The following CTNNA2 variants were observed in gnomAD, a reference collection of about 807,000 sequenced individuals.
CTNNA2 encodes catenin alpha-2.
Under a neutral mutation model 101.0 loss-of-function variants are expected in CTNNA2, and 42 were observed. The ratio of observed to expected loss-of-function variants is 0.42; its 90% CI spans 0.32 to 0.54. The LOEUF is 0.54. CTNNA2 is among the 20% of genes least tolerant of loss of function. The probability of loss-of-function intolerance (pLI) is 0.14; values close to 1 mark genes in which losing one functional copy is unlikely to be tolerated. For missense variants in CTNNA2, 871 were observed against 1,223.1 expected (o/e 0.71, Z 4.29); for synonymous variants, 450 against 456.4 (o/e 0.99, Z 0.18).
chr2:80,099,012 C>T (rs962152431), intron 7 of CTNNA2, among the ~76,000 whole-genome samples: 1 of 151,910 alleles, frequency 6.6e-6, no homozygotes, highest in African/African-American at 2.4e-5. Context: ...CACCCACTGT[C>T]CTGCACCCAC....
At chr2:79,438,295 CTCTG>C (rs1283791934) in intron 4 of CTNNA2, among the ~76,000 whole-genome samples, 5 of 152,120 alleles carry the variant, frequency 3.3e-5, no homozygotes, top group Non-Finnish European at 7.3e-5. Context: ...TATGAACTGT[CTCTG>C]TCTTTCAACC....
intron 18 of CTNNA2, among the ~76,000 whole-genome samples, chr2:80,634,718 A>T (rs1672685349): frequency 6.6e-6 from 1 of 152,102 alleles, no homozygotes; most frequent in Admixed American, 6.6e-5. Flanking sequence ...GGTTCTGAGA[A>T]GTTGGCCAAG....
chr2:79,499,288 A>T (rs909730600), intron 4 of CTNNA2: 11 of 152,090 alleles, frequency 7.2e-5, no homozygotes, highest in African/African-American at 2.7e-4. Context: ...AACAATAAGA[A>T]AAAAAACTGA....
intron 4 of CTNNA2, among the ~76,000 whole-genome samples, chr2:79,444,165 A>C (rs1163091985): frequency 6.6e-6 from 1 of 152,042 alleles, no homozygotes; most frequent in Non-Finnish European, 1.5e-5. Context: ...ATCCTAAAAC[A>C]AAGGACCCAG....
rs1028121801 is a variant in CTNNA2 at position 79,533,596 on chromosome 2, G to C, written c.-6+20389G>C. ...TGTAATTGTGTTATAGATGATGAGA[G>C]ACACAAGTGGCCCCTAAACTGATTG... On this transcript the variant is annotated intron_variant, in intron 1 of 18. Transcript: ENST00000402739. 3.3e-5 allele frequency among the ~76,000 whole-genome samples: 5 copies of C among 152,076 alleles called. 1 individual carries two copies. The highest frequency in any genetic ancestry group is 4.8e-5 in the African/African-American group (2 of 41,426).
chr2:79,694,204 G>T (rs1684504849), intron 2 of CTNNA2, among the ~76,000 whole-genome samples: 1 of 151,780 alleles, frequency 6.6e-6, no homozygotes, highest in Non-Finnish European at 1.5e-5. Flanking sequence ...TAATGTTAAG[G>T]GAGACATTTA....
chr2:80,620,099 T>C (rs951343069), intron 18 of CTNNA2, among the ~76,000 whole-genome samples: 2 of 151,838 alleles, frequency 1.3e-5, no homozygotes, highest in African/African-American at 2.4e-5. Context: ...ATGGAGGTGG[T>C]TGACTTTTTA....
At chr2:80,168,699 T>A (rs1573283758) in intron 7 of CTNNA2, among the ~76,000 whole-genome samples, 1 of 152,172 alleles carries the variant, frequency 6.6e-6, no homozygotes, top group Non-Finnish European at 1.5e-5. Flanking sequence ...CTTTACAAAC[T>A]TTTTGATACC....
At chr2:80,164,096 T>C (rs897419736) in intron 7 of CTNNA2, among the ~76,000 whole-genome samples, 1 of 151,870 alleles carries the variant, frequency 6.6e-6, no homozygotes, top group African/African-American at 2.4e-5. Flanking sequence ...TGGTTTTGGA[T>C]CCAGTCTTCT....
At chr2:79,406,185 T>C (rs1056624850) in intron 4 of CTNNA2, among the ~76,000 whole-genome samples, 2 of 151,994 alleles carry the variant, frequency 1.3e-5, no homozygotes, top group Non-Finnish European at 1.5e-5. Context: ...TAACAACCAA[T>C]TCCTAGTCAA....
intron 12 of CTNNA2, among the ~76,000 whole-genome samples, chr2:80,559,288 A>G (rs2149668652): frequency 6.6e-6 from 1 of 152,350 alleles, no homozygotes; most frequent in Non-Finnish European, 1.5e-5. Context: ...GGGCAGAATA[A>G]TCAAACAGCC....
intron 3 of CTNNA2, among the ~76,000 whole-genome samples, chr2:79,745,717 A>T (rs553873940): frequency 3.3e-5 from 5 of 152,320 alleles, no homozygotes; most frequent in South Asian, 2.1e-4. Context: ...TTCACTTAGC[A>T]TAATGTCTTC....
In CTNNA2 at chr2:80,552,182, A is replaced by C. The variant is rs370078390; in HGVS notation, c.1541-3511A>C. On this transcript the variant is annotated intron_variant, in intron 11 of 18. Coordinates refer to ENST00000402739, the MANE Select transcript of CTNNA2 (RefSeq NM_001282597.3). ...CAAAGATCACTGATCACAGATCATC[A>C]AAACGATAATGAAAAAATTTTGAAA... Among the ~76,000 whole-genome samples, 110 of 152,316 alleles carry C rather than the reference A, an allele frequency of 7.2e-4. 3 individuals carry two copies. In the South Asian group the frequency reaches 0.022, roughly 31 times the overall value.
rs70940076 is a variant in CTNNA2 at position 80,199,182 on chromosome 2, GAAAAAAAAAAA to G, written c.1057-194011_1057-194001del. Among the ~76,000 whole-genome samples the G allele has an allele frequency of 8.0e-4, 32 of 40,056 alleles. No individual in the cohort carries two copies. The South Asian group carries it at 0.027, about 34-fold the overall frequency. 26.3% of individuals were successfully genotyped at this position (40,056 alleles called of 152,430 possible). On this transcript the variant is annotated intron_variant, in intron 7 of 18. Coordinates refer to ENST00000402739, the MANE Select transcript of CTNNA2 (RefSeq NM_001282597.3). ...GGAGACAGAGTGAGACTCCATCTCA[GAAAAAAAAAAA>G]AAAAAAAAAAAAAAAAAGAACTGCA...
At chr2:80,331,034 T>G (rs1389915562) in intron 7 of CTNNA2, among the ~76,000 whole-genome samples, 2 of 152,082 alleles carry the variant, frequency 1.3e-5, no homozygotes, top group East Asian at 3.9e-4. Flanking sequence ...TTTTTTTTTT[T>G]TTTTTCCTTC....
intron 1 of CTNNA2, among the ~76,000 whole-genome samples, chr2:79,561,465 T>C (rs553361578): frequency 7.2e-5 from 11 of 152,088 alleles, no homozygotes; most frequent in Middle Eastern, 3.4e-3. Flanking sequence ...TGGAATCGTT[T>C]AGTTGCATGG....
chr2:79,775,892 C>T (rs960680907), intron 3 of CTNNA2, among the ~76,000 whole-genome samples: 6 of 152,034 alleles, frequency 3.9e-5, no homozygotes, highest in East Asian at 1.9e-4. Flanking sequence ...ATTCTTCTTC[C>T]GACTCTTAAT....
At chr2:80,373,238 C>G (rs1675618717) in intron 7 of CTNNA2, among the ~76,000 whole-genome samples, 2 of 152,072 alleles carry the variant, frequency 1.3e-5, no homozygotes, top group South Asian at 4.2e-4. Context: ...GTGAATGAAT[C>G]AGGACCAATG....
intron 4 of CTNNA2, among the ~76,000 whole-genome samples, chr2:79,381,164 G>T (rs1678034768): frequency 6.6e-6 from 1 of 152,150 alleles, no homozygotes; most frequent in African/African-American, 2.4e-5. Flanking sequence ...GTAAGTAGAA[G>T]AACTCACAAG....
Sources: gnomAD v4.1 joint callset for allele counts (sites outside exome capture counted in the v4.1 genomes callset) on GRCh38, gnomAD v4.1.1 for gene constraint, MANE v1.5 for transcripts, NCBI Gene and HGNC (gene_info 2026-07-23, HGNC 2026-07-21) for gene names.